The following SAMD13 variants were observed in gnomAD, a reference collection of about 807,000 sequenced individuals.
The protein encoded by SAMD13 is sterile alpha motif domain-containing protein 13.
SAMD13 carries 9 observed loss-of-function variants against 12.4 expected under a neutral mutation model. That is an observed-to-expected ratio of 0.72 (90% CI 0.44 to 1.26). The LOEUF is 1.26. SAMD13 is among the 50% of genes most tolerant of loss of function. SAMD13 has a pLI of 0.00. For synonymous variants in SAMD13, 46 were observed against 45.4 expected, an observed-to-expected ratio of 1.01 and a Z score of -0.05; for missense variants, 84 against 119.6, an observed-to-expected ratio of 0.70 and a Z score of 1.39.
At chr1:84,331,181 A>G (rs776346737) in intron 3 of SAMD13, among the ~76,000 whole-genome samples, 4 of 152,072 alleles carry the variant, frequency 2.6e-5, no homozygotes, top group African/African-American at 4.8e-5. Context: ...GGGGATGCCA[A>G]TCAGAGCAAC....
At position 84,343,873 on chromosome 1, in the gene SAMD13, A is replaced by T. The variant is rs576663167; in HGVS notation, c.166-5758A>T. Among the ~76,000 whole-genome samples the T allele has an allele frequency of 1.5e-4, 23 of 152,210 alleles. 1 individual carries two copies. The highest frequency in any genetic ancestry group is 6.2e-4 in the South Asian group (3 of 4,824). ...TTAAAATAAAATTTAAATTTAAATT[A>T]AAAAAAATTTTTAATCAGCTGAAGA... On this transcript the variant is annotated intron_variant, in intron 3 of 3. Transcript: ENST00000394834.
chr1:84,317,336 T>C (rs1320748841), intron 2 of SAMD13, among the ~76,000 whole-genome samples: 1 of 152,146 alleles, frequency 6.6e-6, no homozygotes, highest in African/African-American at 2.4e-5. Flanking sequence ...ATGTTAGCTA[T>C]GGTCTTTTCA....
upstream of SAMD13, chr1:84,298,643 AG>A (rs767603401): frequency 6.5e-6 from 8 of 1,227,882 alleles, no homozygotes; most frequent in Non-Finnish European, 7.2e-6. Context: ...AAGGAAACGA[AG>A]AATGCCGCAA....
At chr1:84,349,557 G>T in intron 3 of SAMD13, 74 bp from the exon 4 acceptor site, 1 of 1,543,416 alleles carries the variant, frequency 6.5e-7, no homozygotes, top group South Asian at 1.3e-5. Flanking sequence ...TTTTACCTCT[G>T]AACTTCCTTT....
At position 84,308,790 on chromosome 1, in the gene SAMD13, T is replaced by C. The variant is rs187694054; in HGVS notation, c.53+5503T>C. Among the ~76,000 whole-genome samples, 85 of 152,238 alleles carry C rather than the reference T, an allele frequency of 5.6e-4. 1 individual carries two copies. Among genetic ancestry groups the C allele is most frequent in the African/African-American group, 1.9e-3 (81 of 41,542 alleles). ...CTTTTCTGTAAATCTGAAAATTTTT[T>C]AATTAAAAAAAAGCCAGTTTATTAA... On this transcript the variant is annotated intron_variant, in intron 2 of 3. Coordinates refer to ENST00000394834, the MANE Select transcript of SAMD13 (RefSeq NM_001134663.2).
intron 2 of SAMD13, among the ~76,000 whole-genome samples, chr1:84,311,101 C>T (rs1246548): frequency 0.84 from 127,338 of 151,990 alleles, 54,033 homozygotes; most frequent in Non-Finnish European, 0.92. Flanking sequence ...TTTGGGAGGC[C>T]GAGGCAGGCA....
In SAMD13 at chr1:84,306,319, A is replaced by C. The variant is rs553707797; in HGVS notation, c.53+3032A>C. The stretch of plus-strand genomic sequence containing the variant: ...ACAATTGATTTTTTATATTGATGTT[A>C]TATGCCACAACCTTGCTAAACTCAC... On this transcript the variant is annotated intron_variant, in intron 2 of 3. Coordinates refer to ENST00000394834, the MANE Select transcript of SAMD13 (RefSeq NM_001134663.2). Among the ~76,000 whole-genome samples the C allele has an allele frequency of 6.6e-5, 10 of 151,738 alleles. No individual in the cohort carries two copies. In the East Asian group the frequency reaches 1.5e-3, roughly 23 times the overall value.
intron 1 of SAMD13, chr1:84,302,572 ACAC>A: frequency 1.7e-6 from 1 of 586,550 alleles, no homozygotes; most frequent in Non-Finnish European, 2.1e-6. Flanking sequence ...ACACACACAC[ACAC>A]ACCAGCACCA....
chr1:84,316,411 T>A (rs936148323), intron 2 of SAMD13, among the ~76,000 whole-genome samples: 1 of 152,114 alleles, frequency 6.6e-6, no homozygotes, highest in Non-Finnish European at 1.5e-5. Flanking sequence ...TGGTAAAAGA[T>A]AATCCAGTTT....
chr1:84,340,570 A>G (rs1298813534), intron 3 of SAMD13, among the ~76,000 whole-genome samples: 1 of 152,250 alleles, frequency 6.6e-6, no homozygotes, highest in African/African-American at 2.4e-5. Flanking sequence ...TTCATGTTAT[A>G]TGAATTTTAT....
At chr1:84,316,194 C>T (rs978858310) in intron 2 of SAMD13, among the ~76,000 whole-genome samples, 10 of 152,024 alleles carry the variant, frequency 6.6e-5, no homozygotes, top group Admixed American at 5.9e-4. Context: ...TTGAATATTT[C>T]CCTGGCTGTA....
At chr1:84,344,716 T>G (rs921777926) in intron 3 of SAMD13, 6 of 360,834 alleles carry the variant, frequency 1.7e-5, no homozygotes, top group Non-Finnish European at 3.3e-5. Flanking sequence ...TGCCTCAAAA[T>G]GCTTCCTCCC....
At chr1:84,306,823 C>T (rs979950611) in intron 2 of SAMD13, among the ~76,000 whole-genome samples, 16 of 104,696 alleles carry the variant, frequency 1.5e-4, no homozygotes, top group Admixed American at 7.9e-4. Flanking sequence ...AGTGAGACTC[C>T]GTCTCAAAAT....
chr1:84,344,941 G>T, intron 3 of SAMD13: 1 of 456,724 alleles, frequency 2.2e-6, no homozygotes, highest in South Asian at 1.5e-5. Flanking sequence ...AACATTTGGA[G>T]GAGGAACTAT....
chr1:84,312,010 C>T (rs1476370696), intron 2 of SAMD13, among the ~76,000 whole-genome samples: 1 of 152,094 alleles, frequency 6.6e-6, no homozygotes, highest in Non-Finnish European at 1.5e-5. Flanking sequence ...GTTAGAAAGA[C>T]CTTGTATTCT....
chr1:84,316,285 A>C (rs1678831739), intron 2 of SAMD13, among the ~76,000 whole-genome samples: 2 of 152,126 alleles, frequency 1.3e-5, no homozygotes, highest in South Asian at 4.1e-4. Context: ...ATATCCATGA[A>C]ACTATTGCCA....
At chr1:84,337,764 G>A (rs931642538) in intron 3 of SAMD13, among the ~76,000 whole-genome samples, 1 of 152,166 alleles carries the variant, frequency 6.6e-6, no homozygotes, top group Non-Finnish European at 1.5e-5. Context: ...CTATCACATT[G>A]TCAGGGTGCA....
At chr1:84,308,127 A>G (rs1678623874) in intron 2 of SAMD13, among the ~76,000 whole-genome samples, 1 of 152,194 alleles carries the variant, frequency 6.6e-6, no homozygotes, top group African/African-American at 2.4e-5. Flanking sequence ...CCCAATGACC[A>G]ATGTCTTGTG....
At chr1:84,346,833 C>A (rs569942441) in intron 3 of SAMD13, among the ~76,000 whole-genome samples, 1 of 152,312 alleles carries the variant, frequency 6.6e-6, no homozygotes, top group Admixed American at 6.5e-5. Flanking sequence ...ACTCTTTAAT[C>A]TCAGTAAATT....
Sources: allele counts gnomAD v4.1 joint callset (sites outside exome capture counted in the v4.1 genomes callset), GRCh38; gene constraint gnomAD v4.1.1; transcripts MANE v1.5; gene names NCBI Gene and HGNC (gene_info 2026-07-23, HGNC 2026-07-21).